PRIM2: variants seen among roughly 807,000 people sequenced by gnomAD.
PRIM2 encodes the protein DNA primase large subunit.
Under a neutral mutation model 67.3 loss-of-function variants are expected in PRIM2, and 39 were observed. That is an observed-to-expected ratio of 0.58 (90% CI 0.45 to 0.76). PRIM2 has a LOEUF of 0.76. Among genes scored for constraint, PRIM2 ranks in the 30% least tolerant of loss-of-function variants. The pLI is 0.00. For synonymous variants in PRIM2, 143 were observed against 198.7 expected, an observed-to-expected ratio of 0.72 and a Z score of 2.36; for missense variants, 398 against 598.7, an observed-to-expected ratio of 0.66 and a Z score of 3.50.
intron 5 of PRIM2, among the ~76,000 whole-genome samples, chr6:57,345,069 A>G (rs1768624609): frequency 6.9e-5 from 1 of 14,404 alleles, no homozygotes; most frequent in African/African-American, 7.3e-4. Flanking sequence ...TTGCCCTTGA[A>G]AAAAAAAGTA....
intron 5 of PRIM2, among the ~76,000 whole-genome samples, chr6:57,370,799 AG>A (rs988181774): frequency 1.3e-5 from 2 of 151,316 alleles, no homozygotes; most frequent in African/African-American, 4.9e-5. Flanking sequence ...CCTAGGTTCA[AG>A]CTATTTTCCT....
chr6:57,397,811 CTT>C (rs1770568712), intron 7 of PRIM2, among the ~76,000 whole-genome samples: 2 of 149,868 alleles, frequency 1.3e-5, no homozygotes, highest in East Asian at 3.9e-4. Flanking sequence ...GATTTCTTGT[CTT>C]TTGCTTGCTT....
chr6:57,456,770 A>T (rs531629768), intron 7 of PRIM2, among the ~76,000 whole-genome samples: 2 of 151,966 alleles, frequency 1.3e-5, no homozygotes, highest in African/African-American at 4.8e-5. Flanking sequence ...GATCATCTGA[A>T]GCCTTCTTTT....
At chr6:57,405,787 G>A (rs1341759720) in intron 7 of PRIM2, among the ~76,000 whole-genome samples, 1 of 148,228 alleles carries the variant, frequency 6.7e-6, no homozygotes, top group South Asian at 2.2e-4. Context: ...AGGGTGCCTA[G>A]TATGTGTGAG....
At chr6:57,336,353 A>G (rs1768246004) in intron 5 of PRIM2, among the ~76,000 whole-genome samples, 1 of 151,946 alleles carries the variant, frequency 6.6e-6, no homozygotes, top group African/African-American at 2.4e-5. Context: ...CAGGAAATAC[A>G]GAGAACGCCA....
At position 57,331,319 on chromosome 6, in the gene PRIM2, G is replaced by A. The variant is rs552364008; in HGVS notation, c.459+5274G>A. ...ATATGCTGCTTGGTTTGGTTTGCTA[G>A]TATTTTGTTGAGGATTTTTGCATCT... On this transcript the variant is annotated intron_variant, in intron 5 of 13. Transcript: ENST00000615550. 2.6e-5 allele frequency among the ~76,000 whole-genome samples: 4 copies of A among 152,166 alleles called. No individual in the cohort carries two copies. In the South Asian group the frequency reaches 6.2e-4, roughly 24 times the overall value.
At chr6:57,557,722 T>C (rs1775542094) in intron 10 of PRIM2, among the ~76,000 whole-genome samples, 4 of 151,754 alleles carry the variant, frequency 2.6e-5, no homozygotes, top group Admixed American at 2.6e-4. Flanking sequence ...TGCTATGATG[T>C]GAGTTTACCT....
the PRIM2 span, among the ~76,000 whole-genome samples, chr6:57,278,897 T>C: frequency 6.6e-6 from 1 of 152,242 alleles, no homozygotes. Context: ...TCTGGAAATC[T>C]GTGGAACAGT....
chr6:57,472,822 T>C (rs1468963513), intron 7 of PRIM2, among the ~76,000 whole-genome samples: 2 of 152,216 alleles, frequency 1.3e-5, no homozygotes, highest in African/African-American at 4.8e-5. Context: ...AAAACATTCT[T>C]TTAAAAGTTT....
intron 8 of PRIM2, among the ~76,000 whole-genome samples, chr6:57,509,048 A>T (rs1774306011): frequency 6.6e-6 from 1 of 151,814 alleles, no homozygotes; most frequent in African/African-American, 2.4e-5. Context: ...AGAAAGTTTT[A>T]GTTTTAGTTT....
chr6:57,368,860 A>G (rs550017570), intron 5 of PRIM2, among the ~76,000 whole-genome samples: 18 of 152,268 alleles, frequency 1.2e-4, no homozygotes, highest in African/African-American at 4.3e-4. Context: ...TTCCTTGTTC[A>G]TATTCTGTGT....
In PRIM2 at chr6:57,608,657, A is replaced by G. The variant is rs1402021131; in HGVS notation, c.1230+2200A>G. 1.3e-3 allele frequency among the ~76,000 whole-genome samples: 204 copies of G among 151,720 alleles called. 4 individuals carry two copies. The East Asian group carries it at 0.018, about 14-fold the overall frequency. Reference sequence around the variant, plus strand: ...AAGCCCAAGAAGTTGAGGCTCCAGGAAGCCATGATCATGCCACTGCACTCC... The same window carrying G: ...AAGCCCAAGAAGTTGAGGCTCCAGGGAGCCATGATCATGCCACTGCACTCC... On this transcript the variant is annotated intron_variant, in intron 12 of 13. Coordinates refer to ENST00000615550, the MANE Select transcript of PRIM2 (RefSeq NM_000947.5).
intron 10 of PRIM2, among the ~76,000 whole-genome samples, chr6:57,582,354 T>A (rs1776103989): frequency 6.6e-6 from 1 of 152,218 alleles, no homozygotes; most frequent in Admixed American, 6.5e-5. Flanking sequence ...TTTGTATACT[T>A]CCTTTTCTCT....
intron 7 of PRIM2, among the ~76,000 whole-genome samples, chr6:57,482,070 G>A (rs1355587020): frequency 1.3e-5 from 2 of 152,132 alleles, no homozygotes; most frequent in Non-Finnish European, 2.9e-5. Context: ...GGATGGGAAG[G>A]ATTATGGAAA....
At chr6:57,289,323 A>G in the PRIM2 span, among the ~76,000 whole-genome samples, 5 of 152,210 alleles carry the variant, frequency 3.3e-5, no homozygotes, top group African/African-American at 1.2e-4. Context: ...ACAAATCTAC[A>G]TCTGATTGGT....
chr6:57,369,268 C>T (rs190930420), intron 5 of PRIM2, among the ~76,000 whole-genome samples: 2 of 152,254 alleles, frequency 1.3e-5, no homozygotes, highest in African/African-American at 4.8e-5. Context: ...TCTCTCAGTT[C>T]CTGGTTTGAT....
At chr6:57,369,186 CT>C (rs1232973601) in intron 5 of PRIM2, among the ~76,000 whole-genome samples, 1 of 152,160 alleles carries the variant, frequency 6.6e-6, no homozygotes, top group Non-Finnish European at 1.5e-5. Flanking sequence ...CTTCTATTTA[CT>C]GTGTAGAGTA....
At chr6:57,256,008 C>A in the PRIM2 span, among the ~76,000 whole-genome samples, 1 of 135,830 alleles carries the variant, frequency 7.4e-6, no homozygotes, top group South Asian at 2.1e-4. Flanking sequence ...AATTTAGACA[C>A]GCACACACAC....
chr6:57,584,910 AC>A (rs1162130016), intron 10 of PRIM2, among the ~76,000 whole-genome samples: 11 of 152,322 alleles, frequency 7.2e-5, no homozygotes, highest in Non-Finnish European at 5.9e-5. Flanking sequence ...CAGAGTTAGA[AC>A]CAAAATCTGT....
Sources: allele counts gnomAD v4.1 joint callset (sites outside exome capture counted in the v4.1 genomes callset), GRCh38; gene constraint gnomAD v4.1.1; transcripts MANE v1.5; gene names NCBI Gene and HGNC (gene_info 2026-07-23, HGNC 2026-07-21).